The following COX7B2 variants were observed in gnomAD, a reference collection of about 807,000 sequenced individuals.
COX7B2 encodes cytochrome c oxidase subunit 7B2.
For synonymous variants in COX7B2, 37 were observed against 32.1 expected (o/e 1.15, Z -0.51); for missense variants, 109 against 95.9 (o/e 1.14, Z -0.57).
chr4:46,897,796 C>T (rs1719849696), intron 1 of COX7B2, among the ~76,000 whole-genome samples: 1 of 152,176 alleles, frequency 6.6e-6, no homozygotes, highest in Non-Finnish European at 1.5e-5. Context: ...CCCCACTAAA[C>T]ACCTCACCCC....
chr4:46,844,138 A>T (rs181454688), intron 2 of COX7B2, among the ~76,000 whole-genome samples: 1 of 152,124 alleles, frequency 6.6e-6, no homozygotes, highest in East Asian at 1.9e-4. Flanking sequence ...AATGTCCATG[A>T]ACTTACCAAA....
At chr4:46,832,416 A>G (rs1483492904) in intron 2 of COX7B2, among the ~76,000 whole-genome samples, 1 of 152,200 alleles carries the variant, frequency 6.6e-6, no homozygotes, top group Non-Finnish European at 1.5e-5. Context: ...CCAATTCCAG[A>G]CACAAAAGCA....
chr4:46,879,442 A>T (rs1419577178), intron 1 of COX7B2, among the ~76,000 whole-genome samples: 3 of 151,662 alleles, frequency 2.0e-5, no homozygotes, highest in African/African-American at 4.8e-5. Flanking sequence ...GGGTCTCACC[A>T]TGTTGCCCAG....
intron 1 of COX7B2, among the ~76,000 whole-genome samples, chr4:46,900,960 C>T (rs557000856): frequency 6.6e-6 from 1 of 152,216 alleles, no homozygotes; most frequent in African/African-American, 2.4e-5. Context: ...ATAATGTGAA[C>T]TTTATATTTT....
At chr4:46,907,167 T>C (rs1283977969) in intron 1 of COX7B2, among the ~76,000 whole-genome samples, 1 of 152,176 alleles carries the variant, frequency 6.6e-6, no homozygotes, top group Non-Finnish European at 1.5e-5. Context: ...ACTAAACTCT[T>C]AAACTCTTCT....
chr4:46,797,962 A>T (rs1406859407), intron 2 of COX7B2, among the ~76,000 whole-genome samples: 1 of 152,212 alleles, frequency 6.6e-6, no homozygotes, highest in African/African-American at 2.4e-5. Flanking sequence ...CTACCACAGG[A>T]TTATATAAAC....
At chr4:46,903,448 G>T (rs574577006) in intron 1 of COX7B2, among the ~76,000 whole-genome samples, 1 of 151,910 alleles carries the variant, frequency 6.6e-6, no homozygotes, top group Admixed American at 6.6e-5. Context: ...ACATTGTAGC[G>T]CAATTACTTA....
chr4:46,898,147 G>A (rs111933940), intron 1 of COX7B2, among the ~76,000 whole-genome samples: 16 of 152,170 alleles, frequency 1.1e-4, no homozygotes, highest in African/African-American at 3.6e-4. Flanking sequence ...TTTTTCTCCT[G>A]GATATAGTCA....
intron 2 of COX7B2, among the ~76,000 whole-genome samples, chr4:46,815,397 T>C (rs1238004988): frequency 1.3e-5 from 2 of 152,170 alleles, no homozygotes; most frequent in Non-Finnish European, 2.9e-5. Context: ...TTTATTATTA[T>C]GGCCTGCAGT....
At chr4:46,832,346 G>C (rs540762484) in intron 2 of COX7B2, among the ~76,000 whole-genome samples, 1 of 152,202 alleles carries the variant, frequency 6.6e-6, no homozygotes, top group South Asian at 2.1e-4. Context: ...TTTAAGAACT[G>C]TAACACCCAC....
intron 1 of COX7B2, among the ~76,000 whole-genome samples, chr4:46,873,605 CATTA>C (rs1287658714): frequency 6.6e-6 from 1 of 152,072 alleles, no homozygotes; most frequent in Non-Finnish European, 1.5e-5. Flanking sequence ...CTGTTGGATG[CATTA>C]ATTTAATTAA....
At chr4:46,898,364 T>C (rs1323628020) in intron 1 of COX7B2, among the ~76,000 whole-genome samples, 3 of 152,156 alleles carry the variant, frequency 2.0e-5, no homozygotes, top group African/African-American at 7.2e-5. Flanking sequence ...TACTCTTAAA[T>C]TATTCCAGTA....
chr4:46,770,736 A>G (rs1040429517), intron 2 of COX7B2, among the ~76,000 whole-genome samples: 1 of 152,146 alleles, frequency 6.6e-6, no homozygotes, highest in Non-Finnish European at 1.5e-5. Flanking sequence ...AAATGACTGT[A>G]TCTTCATTTA....
rs920847431 is a variant in COX7B2 at position 46,805,569 on chromosome 4, T to C, written c.-50+39391A>G. Among the ~76,000 whole-genome samples, 186 of 152,198 alleles carry C rather than the reference T, an allele frequency of 1.2e-3. 4 individuals are homozygous for C. The highest frequency in any genetic ancestry group is 1.6e-3 in the Admixed American group (24 of 15,266). ...AAGATAAGACTACTGAAATGCAAATTTATATGGATAACAAATAGTAAATAT... is the reference window on the plus strand; with the variant it reads ...AAGATAAGACTACTGAAATGCAAATCTATATGGATAACAAATAGTAAATAT... On this transcript the variant is annotated intron_variant, in intron 2 of 2. Coordinates refer to ENST00000355591, the MANE Select transcript of COX7B2 (RefSeq NM_130902.3).
At chr4:46,841,140 T>G (rs924473598) in intron 2 of COX7B2, among the ~76,000 whole-genome samples, 1 of 151,970 alleles carries the variant, frequency 6.6e-6, no homozygotes, top group Non-Finnish European at 1.5e-5. Context: ...CACTGAATTA[T>G]TTTAACCTGA....
intron 1 of COX7B2, among the ~76,000 whole-genome samples, chr4:46,886,623 T>C (rs996808976): frequency 3.3e-5 from 5 of 152,174 alleles, no homozygotes; most frequent in African/African-American, 1.2e-4. Flanking sequence ...GAATTTGATA[T>C]AAATCTTAAA....
chr4:46,783,441 A>T (rs538711924), intron 2 of COX7B2, among the ~76,000 whole-genome samples: 12 of 152,340 alleles, frequency 7.9e-5, no homozygotes, highest in African/African-American at 2.9e-4. Context: ...CATTACTAGT[A>T]GCTAGGTCAC....
intron 2 of COX7B2, among the ~76,000 whole-genome samples, chr4:46,762,264 T>C (rs966041064): frequency 2.1e-5 from 3 of 141,336 alleles, no homozygotes; most frequent in Admixed American, 7.5e-5. Context: ...ATATATAATA[T>C]ATTTAATATA....
chr4:46,881,003 A>AAAAAAAC (rs2109847388), intron 1 of COX7B2, among the ~76,000 whole-genome samples: 1 of 151,484 alleles, frequency 6.6e-6, no homozygotes, highest in African/African-American at 2.4e-5. Flanking sequence ...TAAAAAAAAA[A>AAAAAAAC]AAAAAAAACT....
Sources: allele counts gnomAD v4.1 joint callset (sites outside exome capture counted in the v4.1 genomes callset), GRCh38; gene constraint gnomAD v4.1.1; transcripts MANE v1.5; gene names NCBI Gene and HGNC (gene_info 2026-07-23, HGNC 2026-07-21).